ARL8A: variants seen among roughly 807,000 people sequenced by gnomAD.
The protein encoded by ARL8A is ARF like GTPase 8A.
ARL8A carries 10 observed loss-of-function variants against 31.2 expected under a neutral mutation model. That is an observed-to-expected ratio of 0.32 (90% CI 0.20 to 0.54). The LOEUF (loss-of-function observed/expected upper bound fraction) is 0.54. Among genes scored for constraint, ARL8A ranks in the 20% least tolerant of loss-of-function variants. The pLI is 0.93. For synonymous variants in ARL8A, 70 were observed against 86.9 expected (o/e 0.81, Z 1.08); for missense variants, 129 against 242.8 (o/e 0.53, Z 3.12).
intron 1 of ARL8A, among the ~76,000 whole-genome samples, chr1:202,140,275 G>A (rs190673314): frequency 2.3e-3 from 351 of 150,812 alleles, no homozygotes; most frequent in Non-Finnish European, 3.8e-3. Context: ...GACTACAGGC[G>A]CGTGCCACCA....
rs1655003299 is a variant in ARL8A at position 202,136,259 on chromosome 1, A to G, written c.279-459T>C. Among the ~76,000 whole-genome samples the G allele has an allele frequency of 2.6e-5, 4 of 152,280 alleles. 1 individual carries two copies. In the South Asian group the frequency reaches 8.3e-4, roughly 32 times the overall value. The stretch of plus-strand genomic sequence containing the variant: ...AACAATCTATTGTTTGGGCATATAT[A>G]TATAGAATAAATTTTATTATTATTA... On this transcript the variant is annotated intron_variant, in intron 3 of 6. Coordinates refer to ENST00000272217, the MANE Select transcript of ARL8A (RefSeq NM_138795.4).
Position 202,135,051 on chromosome 1 carries a change from C to T in ARL8A, c.511+99G>A. On this transcript the variant is annotated intron_variant, in intron 6 of 6. Transcript: ENST00000272217. The surrounding 1 kb of genome is among the most constrained non-coding windows in gnomAD (Gnocchi z 5.3). ...CCTTTTCTACCCAAGAGCCACAGGG[C>T]TTTGGACTTCAGGGAAAGTTGTGGA... 1 of 1,251,674 alleles carries T rather than the reference C, an allele frequency of 8.0e-7. No individual in the cohort carries two copies. The allele number at this position is 1,251,674 out of a possible 1,614,324, so 77.5% of individuals were successfully genotyped here. A position where few individuals can be genotyped will look rare whatever the true frequency, so the allele number is the denominator to read the frequency against.
rs1249600226 is a variant in ARL8A, at chr1:202,138,760, T to C, written c.124-312A>G. On this transcript the variant is annotated intron_variant, in intron 1 of 6. Transcript: ENST00000272217. The surrounding 1 kb of genome is among the most constrained non-coding windows in gnomAD (Gnocchi z 4.4). ...CTGTAGTAACTGACGCCACTTTCTCTCCAGTGGAGAGGAAGAAGAAATTAC... is the reference window on the plus strand; with the variant it reads ...CTGTAGTAACTGACGCCACTTTCTCCCCAGTGGAGAGGAAGAAGAAATTAC... Among the ~76,000 whole-genome samples, 1 of 152,184 alleles carries C rather than the reference T, an allele frequency of 6.6e-6. No homozygotes were observed. The highest frequency in any genetic ancestry group is 6.5e-5 in the Admixed American group (1 of 15,280).
intron 3 of ARL8A, among the ~76,000 whole-genome samples, chr1:202,136,264 G>T (rs1307684039): frequency 1.3e-5 from 2 of 151,974 alleles, no homozygotes; most frequent in Non-Finnish European, 2.9e-5. Flanking sequence ...TATATATATA[G>T]AATAAATTTT....
rs1360661794 is a variant in ARL8A at position 202,134,269 on chromosome 1, C to T, written c.*198G>A. On this transcript the variant is annotated 3_prime_UTR_variant, in exon 7 of 7. Transcript: ENST00000272217. This position sits in a 1 kb window ranked among gnomAD's most constrained non-coding sequence, Gnocchi z 4.2. ...CGGGGAAGGGTGAGAAGTTAGGGGA[C>T]CAGAATGGGGGGCAATTTATTTTAC... The T allele has an allele frequency of 1.4e-5, 8 of 564,602 alleles. No homozygotes were observed. The Admixed American group carries it at 2.5e-4, about 18-fold the overall frequency. The allele number at this position is 564,602 out of a possible 1,614,324, so 35.0% of individuals were successfully genotyped here. A position where few individuals can be genotyped will look rare whatever the true frequency, so the allele number is the denominator to read the frequency against.
In ARL8A at chr1:202,134,262, T is replaced by C; in HGVS notation, c.*205A>G. The C allele has an allele frequency of 7.1e-6, 4 of 561,968 alleles. No homozygotes were observed. Among genetic ancestry groups the C allele is most frequent in the Non-Finnish European group, 1.3e-5 (4 of 314,172 alleles). The allele number at this position is 561,968 out of a possible 1,614,324, so 34.8% of individuals were successfully genotyped here. A position where few individuals can be genotyped will look rare whatever the true frequency, so the allele number is the denominator to read the frequency against. ...AAGGCAGCGGGGAAGGGTGAGAAGT[T>C]AGGGGACCAGAATGGGGGGCAATTT... On this transcript the variant is annotated 3_prime_UTR_variant, in exon 7 of 7. Coordinates refer to ENST00000272217, the MANE Select transcript of ARL8A (RefSeq NM_138795.4). The surrounding 1 kb of genome is among the most constrained non-coding windows in gnomAD (Gnocchi z 4.2).
chr1:202,136,920 T>A (rs1655024623), intron 3 of ARL8A, among the ~76,000 whole-genome samples: 1 of 152,082 alleles, frequency 6.6e-6, no homozygotes, highest in South Asian at 2.1e-4. Flanking sequence ...AGTGATGCGA[T>A]CTCGGCTCAC....
rs776091203 is a variant in ARL8A at position 202,137,948 on chromosome 1, G to A, written c.278+17C>T. ...CCGGGTAAGGCTGGAGTCTGGCGATGCCTCCCGTGTACTTACACGATGGCG... is the reference window on the plus strand; with the variant it reads ...CCGGGTAAGGCTGGAGTCTGGCGATACCTCCCGTGTACTTACACGATGGCG... On this transcript the variant is annotated intron_variant, in intron 3 of 6. Transcript: ENST00000272217. 1.9e-6 allele frequency: 3 copies of A among 1,613,908 alleles called. No homozygotes were observed. Among genetic ancestry groups the A allele is most frequent in the Non-Finnish European group, 2.5e-6 (3 of 1,179,906 alleles).
rs1654922722 is a variant in ARL8A at position 202,133,649 on chromosome 1, AG to A, written c.*817del. On this transcript the variant is annotated 3_prime_UTR_variant, in exon 7 of 7. Coordinates refer to ENST00000272217, the MANE Select transcript of ARL8A (RefSeq NM_138795.4). ...TCTGCAAAATGAGAACAGAAAATGA[AG>A]TGGGCCGTGGAGGTGGGGGCCCTGG... The A allele has an allele frequency of 6.6e-6, 1 of 152,156 alleles. No individual in the cohort carries two copies. The highest frequency in any genetic ancestry group is 1.5e-5 in the Non-Finnish European group (1 of 68,036). The allele number at this position is 152,156 out of a possible 1,614,324, so 9.4% of individuals were successfully genotyped here.
At chr1:202,143,934 T>C (rs1655231715) in intron 1 of ARL8A, among the ~76,000 whole-genome samples, 3 of 152,126 alleles carry the variant, frequency 2.0e-5, no homozygotes, top group Admixed American at 1.3e-4. Flanking sequence ...CCCCTCCCCC[T>C]CAATAGGGCC....
Position 202,135,615 on chromosome 1 carries a change from T to C in ARL8A, c.373-89A>G. The C allele has an allele frequency of 6.3e-7, 1 of 1,578,594 alleles. No homozygotes were observed. Among genetic ancestry groups the C allele is most frequent in the Non-Finnish European group, 8.7e-7 (1 of 1,148,468 alleles). ...AGCTGGCCTCCTGGGTCCCGTTTCC[T>C]CTCTGCGCCCCTACCATGCCTGGCT... On this transcript the variant is annotated intron_variant, in intron 4 of 6. Coordinates refer to ENST00000272217, the MANE Select transcript of ARL8A (RefSeq NM_138795.4). The surrounding 1 kb of genome is among the most constrained non-coding windows in gnomAD (Gnocchi z 5.3).
intron 3 of ARL8A, among the ~76,000 whole-genome samples, chr1:202,137,253 G>A (rs1329631621): frequency 2.0e-5 from 3 of 152,068 alleles, no homozygotes; most frequent in Non-Finnish European, 2.9e-5. Context: ...AAACTCCTGG[G>A]CTCAAGCAAT....
intron 1 of ARL8A, among the ~76,000 whole-genome samples, chr1:202,141,305 C>A (rs1045837347): frequency 1.3e-5 from 2 of 152,152 alleles, no homozygotes; most frequent in African/African-American, 4.8e-5. Flanking sequence ...CTGCCCCATC[C>A]CCTCTTGGGT....
chr1:202,134,724 A>G lies in ARL8A; in HGVS notation c.512-208T>C, dbSNP rs1390390511. Among the ~76,000 whole-genome samples the G allele has an allele frequency of 6.6e-6, 1 of 152,142 alleles. No homozygotes were observed. The highest frequency in any genetic ancestry group is 1.5e-5 in the Non-Finnish European group (1 of 68,018). On this transcript the variant is annotated intron_variant, in intron 6 of 6. Coordinates refer to ENST00000272217, the MANE Select transcript of ARL8A (RefSeq NM_138795.4). This position sits in a 1 kb window ranked among gnomAD's most constrained non-coding sequence, Gnocchi z 4.2. ...GTGGAGTTGGAGGCTGCAGTGAGCTATGGTCACGCCACTGAACTCCAGCCT... is the reference window on the plus strand; with the variant it reads ...GTGGAGTTGGAGGCTGCAGTGAGCTGTGGTCACGCCACTGAACTCCAGCCT...
intron 1 of ARL8A, among the ~76,000 whole-genome samples, chr1:202,141,789 C>T (rs556469095): frequency 6.6e-6 from 1 of 152,246 alleles, no homozygotes; most frequent in East Asian, 1.9e-4. Flanking sequence ...TGAAAATGAC[C>T]CTGTTGTTTC....
chr1:202,141,534 C>T (rs1357646241), intron 1 of ARL8A, among the ~76,000 whole-genome samples: 1 of 151,196 alleles, frequency 6.6e-6, no homozygotes, highest in Non-Finnish European at 1.5e-5. Context: ...CCCAGCTACT[C>T]GGGAGACTGA....
At position 202,135,293 on chromosome 1, in the gene ARL8A, C is replaced by A. The variant is rs1654974367; in HGVS notation, c.441-73G>T. 6.6e-7 allele frequency: 1 copy of A among 1,520,104 alleles called. No homozygotes were observed. The highest frequency in any genetic ancestry group is 2.3e-5 in the East Asian group (1 of 44,408). 94.2% of individuals were successfully genotyped at this position (1,520,104 alleles called of 1,614,324 possible). ...GGCCTGGGGCTAGGGGACAGCGGGGCCTTTTTCTTACCTAAGAGGCTACAA... is the reference window on the plus strand; with the variant it reads ...GGCCTGGGGCTAGGGGACAGCGGGGACTTTTTCTTACCTAAGAGGCTACAA... On this transcript the variant is annotated intron_variant, in intron 5 of 6. Coordinates refer to ENST00000272217, the MANE Select transcript of ARL8A (RefSeq NM_138795.4). This position sits in a 1 kb window ranked among gnomAD's most constrained non-coding sequence, Gnocchi z 5.3.
intron 1 of ARL8A, among the ~76,000 whole-genome samples, chr1:202,139,244 T>C (rs1016498050): frequency 2.0e-5 from 3 of 152,094 alleles, no homozygotes; most frequent in African/African-American, 7.2e-5. Context: ...TGTTCACAGG[T>C]AGGACACTTC....
chr1:202,135,518 G>A lies in ARL8A; in HGVS notation c.381C>T (p.Val127=). The A allele has an allele frequency of 6.2e-7, 1 of 1,614,012 alleles. No homozygotes were observed. The highest frequency in any genetic ancestry group is 8.5e-7 in the Non-Finnish European group (1 of 1,179,970). Residue 127 remains valine (V), a synonymous_variant, in exon 5 of 7, where the codon GTC becomes GTT. Coordinates refer to ENST00000272217, the MANE Select transcript of ARL8A (RefSeq NM_138795.4). This position sits in a 1 kb window ranked among gnomAD's most constrained non-coding sequence, Gnocchi z 5.3. The part of the protein sequence containing the change: ...KPQLQGIPVL[V]LGNKRDLPGA... ...CCGGAAGGTCTCGCTTGTTACCCAG[G>A]ACTAAGACCTACGGAGAAGGGAGGG... is the stretch of plus-strand genomic sequence containing the variant.
Sources: gnomAD v4.1 joint callset for allele counts (sites outside exome capture counted in the v4.1 genomes callset) on GRCh38, gnomAD v4.1.1 for gene constraint, Gnocchi (gnomAD v3.1) non-coding constraint, MANE v1.5 for transcripts, NCBI Gene and HGNC (gene_info 2026-07-23, HGNC 2026-07-21) for gene names.